HSD17B12: variants seen among roughly 807,000 people sequenced by gnomAD.
The protein encoded by HSD17B12 is hydroxysteroid 17-beta dehydrogenase 12.
In HSD17B12, 32 loss-of-function variants were observed where a neutral mutation model predicts 39.3. That is an observed-to-expected ratio of 0.81 (90% CI 0.61 to 1.09). The LOEUF is 1.09. Ranked by LOEUF, HSD17B12 falls within the 50% of genes least tolerant of loss-of-function variation. HSD17B12 has a pLI of 0.00. For missense variants in HSD17B12, 342 were observed against 382.9 expected, an observed-to-expected ratio of 0.89 and a Z score of 0.89; for synonymous variants, 150 against 146.7, an observed-to-expected ratio of 1.02 and a Z score of -0.16.
At chr11:43,732,299 C>T (rs1291384742) in intron 1 of HSD17B12, among the ~76,000 whole-genome samples, 1 of 152,112 alleles carries the variant, frequency 6.6e-6, no homozygotes, top group East Asian at 1.9e-4. Flanking sequence ...AATCTCTTTC[C>T]TTTATAAATT....
the HSD17B12 span, among the ~76,000 whole-genome samples, chr11:43,577,754 G>A: frequency 6.6e-6 from 1 of 152,206 alleles, no homozygotes; most frequent in African/African-American, 2.4e-5. Context: ...AGAAGCCAAA[G>A]CACAGGAGTT....
intron 7 of HSD17B12, among the ~76,000 whole-genome samples, chr11:43,836,638 A>G (rs1224175695): frequency 1.3e-5 from 2 of 152,084 alleles, no homozygotes; most frequent in African/African-American, 4.8e-5. Flanking sequence ...CATTATCAAT[A>G]CCCCAAAAAA....
At chr11:43,656,354 C>A in the HSD17B12 span, among the ~76,000 whole-genome samples, 1 of 152,080 alleles carries the variant, frequency 6.6e-6, no homozygotes, top group Non-Finnish European at 1.5e-5. Flanking sequence ...AAAACCAGCC[C>A]CTGGATTCAT....
chr11:43,681,886 G>A (rs895280393), intron 1 of HSD17B12, among the ~76,000 whole-genome samples: 1 of 106,608 alleles, frequency 9.4e-6, no homozygotes, highest in Non-Finnish European at 1.9e-5. Flanking sequence ...TTTATTTTTC[G>A]TCTCTTGGCC....
chr11:43,590,311 C>T, the HSD17B12 span, among the ~76,000 whole-genome samples: 12 of 151,680 alleles, frequency 7.9e-5, no homozygotes, highest in African/African-American at 2.9e-4. Context: ...AAGTAGTAGA[C>T]TCTGGGTCAG....
chr11:43,680,151 C>T (rs1360577544), upstream of HSD17B12, among the ~76,000 whole-genome samples: 1 of 106,854 alleles, frequency 9.4e-6, no homozygotes, highest in East Asian at 2.9e-4. Flanking sequence ...TCTCGGCTCA[C>T]TGCAACCTCT....
chr11:43,604,489 T>G, the HSD17B12 span, among the ~76,000 whole-genome samples: 2 of 152,356 alleles, frequency 1.3e-5, no homozygotes, highest in East Asian at 3.9e-4. Flanking sequence ...TGATTTTTAA[T>G]GTACTTTTAT....
intron 3 of HSD17B12, chr11:43,755,607 TGA>T (rs1950501627): frequency 6.6e-6 from 1 of 152,246 alleles, no homozygotes; most frequent in Non-Finnish European, 1.5e-5. Context: ...TGAGAATTGA[TGA>T]GAGAGGATTT....
the HSD17B12 span, among the ~76,000 whole-genome samples, chr11:43,662,180 A>G: frequency 6.8e-6 from 1 of 146,074 alleles, no homozygotes; most frequent in African/African-American, 2.5e-5. Flanking sequence ...AGCCTGAGTG[A>G]CAGAGTGAGC....
intron 1 of HSD17B12, chr11:43,734,152 T>C: frequency 1.3e-6 from 2 of 1,564,798 alleles, no homozygotes; most frequent in South Asian, 2.3e-5. Flanking sequence ...TGGCACGCTT[T>C]GATGCTGGAG....
At chr11:43,768,815 C>T (rs143548109) in intron 3 of HSD17B12, among the ~76,000 whole-genome samples, 1,540 of 152,236 alleles carry the variant, frequency 0.01, 20 homozygotes, top group African/African-American at 0.035. Context: ...TATTTGGCCC[C>T]GCCCATGTCC....
the HSD17B12 span, among the ~76,000 whole-genome samples, chr11:43,630,236 GT>G: frequency 2.6e-5 from 4 of 152,094 alleles, no homozygotes; most frequent in African/African-American, 9.7e-5. Context: ...CAGCCTTTTG[GT>G]TGTATGACTC....
chr11:43,743,962 A>T (rs1950391593), intron 1 of HSD17B12, among the ~76,000 whole-genome samples: 1 of 152,250 alleles, frequency 6.6e-6, no homozygotes, highest in South Asian at 2.1e-4. Context: ...AGATGCTGTT[A>T]AAAGCGAGAA....
chr11:43,846,373 G>A (rs188244932), intron 9 of HSD17B12, among the ~76,000 whole-genome samples: 2 of 152,316 alleles, frequency 1.3e-5, no homozygotes, highest in East Asian at 3.9e-4. Flanking sequence ...AGGATCAACA[G>A]GAGCCCTGTG....
intron 1 of HSD17B12, among the ~76,000 whole-genome samples, chr11:43,750,052 C>T (rs1334369752): frequency 6.6e-6 from 1 of 152,020 alleles, no homozygotes; most frequent in South Asian, 2.1e-4. Context: ...TAATTAAGAC[C>T]ATTTTCTATT....
chr11:43,856,611 A>G lies in HSD17B12; in HGVS notation c.*1363A>G, dbSNP rs944381882. The G allele has an allele frequency of 1.7e-4, 26 of 152,242 alleles. No individual in the cohort carries two copies. The highest frequency in any genetic ancestry group is 4.6e-4 in the Admixed American group (7 of 15,286). The allele number at this position is 152,242 out of a possible 1,614,324, so 9.4% of individuals were successfully genotyped here. On this transcript the variant is annotated 3_prime_UTR_variant, in exon 11 of 11. Transcript: ENST00000278353. ...AGTTGAATAAATATATAGCTTTATG[A>G]AAAACACATTGTTTGCCCTTTTTTC...
At chr11:43,650,136 A>G in the HSD17B12 span, among the ~76,000 whole-genome samples, 1 of 152,224 alleles carries the variant, frequency 6.6e-6, no homozygotes, top group African/African-American at 2.4e-5. Context: ...TTGTTTTGCC[A>G]TGACAGATAA....
the HSD17B12 span, among the ~76,000 whole-genome samples, chr11:43,582,367 T>A: frequency 2.0e-5 from 3 of 151,602 alleles, no homozygotes; most frequent in South Asian, 6.3e-4. Context: ...AGTCTGTGAG[T>A]CCCCCTCCTC....
intron 1 of HSD17B12, among the ~76,000 whole-genome samples, chr11:43,738,827 AAG>A (rs1173544964): frequency 6.6e-6 from 1 of 152,222 alleles, no homozygotes; most frequent in Non-Finnish European, 1.5e-5. Context: ...GATAGTAGGA[AAG>A]AGAGTTTTAT....
Sources: allele counts gnomAD v4.1 joint callset (sites outside exome capture counted in the v4.1 genomes callset), GRCh38; gene constraint gnomAD v4.1.1; transcripts MANE v1.5; gene names NCBI Gene and HGNC (gene_info 2026-07-23, HGNC 2026-07-21).